The following LRP1B variants were observed in gnomAD, a reference collection of about 807,000 sequenced individuals.
LRP1B encodes low-density lipoprotein receptor-related protein 1B.
LRP1B carries 217 observed loss-of-function variants against 556.6 expected under a neutral mutation model. That is an observed-to-expected ratio of 0.39 (90% CI 0.35 to 0.44). The LOEUF (loss-of-function observed/expected upper bound fraction) is 0.44. Ranked by LOEUF, LRP1B falls within the 20% of genes least tolerant of loss-of-function variation. LRP1B has a pLI of 1.00. For missense variants in LRP1B, 5,053 were observed against 5,620.8 expected, an observed-to-expected ratio of 0.90 and a Z score of 3.23; for synonymous variants, 2,047 against 1,865.8, an observed-to-expected ratio of 1.10 and a Z score of -2.50.
intron 11 of LRP1B, among the ~76,000 whole-genome samples, chr2:141,029,767 A>C (rs1698314931): frequency 6.6e-6 from 1 of 151,990 alleles, no homozygotes; most frequent in Non-Finnish European, 1.5e-5. Flanking sequence ...TACTTTTGGC[A>C]CCAATGCAGT....
At chr2:140,963,793 T>C (rs1313245116) in intron 18 of LRP1B, among the ~76,000 whole-genome samples, 3 of 152,088 alleles carry the variant, frequency 2.0e-5, no homozygotes, top group East Asian at 1.9e-4. Context: ...CTCGTCTCTA[T>C]TAAAAATACA....
chr2:140,565,935 C>A (rs1681108923), intron 43 of LRP1B, among the ~76,000 whole-genome samples: 1 of 152,164 alleles, frequency 6.6e-6, no homozygotes. Flanking sequence ...CCCCCGCAGT[C>A]CTCACAGGCA....
intron 1 of LRP1B, among the ~76,000 whole-genome samples, chr2:142,128,785 TTCTA>T (rs1179408360): frequency 5.3e-5 from 8 of 152,242 alleles, no homozygotes; most frequent in Admixed American, 6.5e-5. Flanking sequence ...TGTGCTCTGC[TTCTA>T]TCTTAGATGT....
chr2:141,201,799 T>C (rs73962857), intron 6 of LRP1B, among the ~76,000 whole-genome samples: 1,610 of 152,220 alleles, frequency 0.011, 29 homozygotes, highest in African/African-American at 0.034. Context: ...ACTGAATACT[T>C]TTAGTGGACT....
At chr2:140,468,117 A>G (rs1687622121) in intron 60 of LRP1B, among the ~76,000 whole-genome samples, 1 of 152,146 alleles carries the variant, frequency 6.6e-6, no homozygotes, top group African/African-American at 2.4e-5. Flanking sequence ...ACAGGCCCAG[A>G]ATGCCAGAGG....
At chr2:140,814,190 C>T (rs1416703528) in intron 31 of LRP1B, among the ~76,000 whole-genome samples, 1 of 152,014 alleles carries the variant, frequency 6.6e-6, no homozygotes, top group East Asian at 1.9e-4. Flanking sequence ...TTTGCTCAGG[C>T]TGGTCTTGAA....
chr2:141,323,632 G>A (rs368782933), intron 3 of LRP1B, among the ~76,000 whole-genome samples: 4 of 151,608 alleles, frequency 2.6e-5, no homozygotes, highest in East Asian at 1.9e-4. Flanking sequence ...CTAAATTCAC[G>A]GGTCATTTAT....
chr2:141,447,094 G>A (rs2105014855), intron 3 of LRP1B, among the ~76,000 whole-genome samples: 1 of 151,934 alleles, frequency 6.6e-6, no homozygotes, highest in East Asian at 1.9e-4. Context: ...ATATTTCTTG[G>A]GGGCTTTGTT....
At position 141,122,357 on chromosome 2, in the gene LRP1B, C is replaced by T. The variant is rs1701076691; in HGVS notation, c.1014-60084G>A. 2.0e-5 allele frequency among the ~76,000 whole-genome samples: 3 copies of T among 149,872 alleles called. No individual in the cohort carries two copies. In the South Asian group the frequency reaches 6.3e-4, roughly 31 times the overall value. Reference sequence around the variant, plus strand: ...AAATTTTTGCAATCTACTCATCTGACAAAGGGCTAATATCCAGAATCTACA... The same window carrying T: ...AAATTTTTGCAATCTACTCATCTGATAAAGGGCTAATATCCAGAATCTACA... On this transcript the variant is annotated intron_variant, in intron 7 of 90. Coordinates refer to ENST00000389484, the MANE Select transcript of LRP1B (RefSeq NM_018557.3).
intron 77 of LRP1B, among the ~76,000 whole-genome samples, chr2:140,344,990 A>T (rs1681579474): frequency 6.6e-6 from 1 of 151,826 alleles, no homozygotes; most frequent in South Asian, 2.1e-4. Flanking sequence ...ATTATTACAT[A>T]ATATGACATG....
rs565380451 is a variant in LRP1B, at chr2:141,664,239, C to A, written c.205+146040G>T. Among the ~76,000 whole-genome samples the A allele has an allele frequency of 1.3e-4, 20 of 151,808 alleles. 1 individual carries two copies. The highest frequency in any genetic ancestry group is 9.9e-4 in the Admixed American group (15 of 15,212). Reference sequence around the variant, plus strand: ...AACTAGGTATTGATGGAACATAACTCAAAATAATAAGATTTATAACAGGCA... The same window carrying A: ...AACTAGGTATTGATGGAACATAACTAAAAATAATAAGATTTATAACAGGCA... On this transcript the variant is annotated intron_variant, in intron 2 of 90. Coordinates refer to ENST00000389484, the MANE Select transcript of LRP1B (RefSeq NM_018557.3).
rs762600679 is a variant in LRP1B at position 140,485,499 on chromosome 2, T to C, written c.9269A>G (p.Asn3090Ser). The change falls in exon 59 of 91, where the codon AAT becomes AGT. Residue 3090 changes from asparagine to serine, a missense_variant. Asn to Ser is a conservative substitution (Grantham distance 46). Transcript: ENST00000389484. Reference protein sequence around the residue: ...IKVVHNTAVPNALAVDWIGKN... With the variant: ...IKVVHNTAVPSALAVDWIGKN... ...TCCAATCCAATCGACAGCAAGTGCATTGGGGACCGCTGTGTTATGAACTAC... is the reference window on the plus strand; with the variant it reads ...TCCAATCCAATCGACAGCAAGTGCACTGGGGACCGCTGTGTTATGAACTAC... 1.9e-6 allele frequency: 3 copies of C among 1,613,706 alleles called. No homozygotes were observed. The highest frequency in any genetic ancestry group is 2.5e-6 in the Non-Finnish European group (3 of 1,179,756).
intron 1 of LRP1B, among the ~76,000 whole-genome samples, chr2:141,929,851 A>T (rs530753301): frequency 6.8e-6 from 1 of 148,072 alleles, no homozygotes; most frequent in Non-Finnish European, 1.5e-5. Context: ...AGAGATGAGT[A>T]AAATACAGTC....
At chr2:141,429,536 A>G (rs1235162823) in intron 3 of LRP1B, among the ~76,000 whole-genome samples, 2 of 152,192 alleles carry the variant, frequency 1.3e-5, no homozygotes, top group Admixed American at 6.5e-5. Context: ...CAGGTTTGTT[A>G]CATAGGAAAT....
At chr2:141,937,367 A>G (rs1700663065) in intron 1 of LRP1B, among the ~76,000 whole-genome samples, 1 of 151,938 alleles carries the variant, frequency 6.6e-6, no homozygotes, top group Admixed American at 6.6e-5. Flanking sequence ...CCTGGGCGAC[A>G]GAGCGAGACT....
intron 1 of LRP1B, among the ~76,000 whole-genome samples, chr2:142,092,997 A>C (rs1272321492): frequency 2.0e-5 from 3 of 152,042 alleles, no homozygotes; most frequent in Non-Finnish European, 4.4e-5. Flanking sequence ...AGGTACATAG[A>C]CCCTGCGTGA....
intron 16 of LRP1B, among the ~76,000 whole-genome samples, chr2:140,990,906 T>A (rs1697073853): frequency 6.6e-6 from 1 of 152,192 alleles, no homozygotes; most frequent in South Asian, 2.1e-4. Context: ...GAAAAATTGT[T>A]GTTTTATCAT....
At chr2:140,833,549 G>C (rs1295824603) in intron 31 of LRP1B, among the ~76,000 whole-genome samples, 2 of 152,090 alleles carry the variant, frequency 1.3e-5, no homozygotes, top group East Asian at 3.8e-4. Context: ...ATTTATTAAT[G>C]TTTTTGTTGC....
intron 1 of LRP1B, among the ~76,000 whole-genome samples, chr2:142,038,679 C>T (rs184735969): frequency 1.7e-3 from 260 of 151,630 alleles, no homozygotes; most frequent in African/African-American, 5.9e-3. Flanking sequence ...TATTCCTCTA[C>T]GATCTCCAGG....
Sources: allele counts gnomAD v4.1 joint callset (sites outside exome capture counted in the v4.1 genomes callset), GRCh38; gene constraint gnomAD v4.1.1; transcripts MANE v1.5; gene names NCBI Gene and HGNC (gene_info 2026-07-23, HGNC 2026-07-21).